The following PRUNE2 variants were observed in gnomAD, a reference collection of about 807,000 sequenced individuals.
PRUNE2 encodes the protein protein prune homolog 2.
PRUNE2 carries 164 observed loss-of-function variants against 252.0 expected under a neutral mutation model. The ratio of observed to expected loss-of-function variants is 0.65; its 90% confidence interval spans 0.57 to 0.74. The LOEUF (loss-of-function observed/expected upper bound fraction) is 0.74. Ranked by LOEUF, PRUNE2 falls within the 30% of genes least tolerant of loss-of-function variation. PRUNE2 has a pLI of 0.00. For missense variants in PRUNE2, 3,495 were observed against 3,711.0 expected (o/e 0.94, Z 1.51); for synonymous variants, 1,292 against 1,350.2 (o/e 0.96, Z 0.94).
intron 9 of PRUNE2, among the ~76,000 whole-genome samples, chr9:76,669,862 T>C (rs1232070552): frequency 6.6e-6 from 1 of 152,162 alleles, no homozygotes; most frequent in Non-Finnish European, 1.5e-5. Flanking sequence ...TCTGCTCACA[T>C]GGAATGGGTT....
intron 6 of PRUNE2, among the ~76,000 whole-genome samples, chr9:76,723,456 G>T (rs2047820515): frequency 6.6e-6 from 1 of 152,194 alleles, no homozygotes; most frequent in African/African-American, 2.4e-5. Flanking sequence ...AATTAGAATT[G>T]CCAGAGGGGA....
At chr9:76,899,894 T>G (rs1253059434) in intron 1 of PRUNE2, among the ~76,000 whole-genome samples, 1 of 152,182 alleles carries the variant, frequency 6.6e-6, no homozygotes, top group Non-Finnish European at 1.5e-5. Flanking sequence ...AGAAGCTGGA[T>G]AGCAGATCAG....
chr9:76,735,419 CTTT>C (rs34406993), intron 6 of PRUNE2, among the ~76,000 whole-genome samples: 4,218 of 133,048 alleles, frequency 0.032, 102 homozygotes, highest in African/African-American at 0.074. Flanking sequence ...TTTCTTTCTT[CTTT>C]TTTTTTTTTT....
At chr9:76,813,701 C>T (rs1323975316) in intron 6 of PRUNE2, among the ~76,000 whole-genome samples, 1 of 152,112 alleles carries the variant, frequency 6.6e-6, no homozygotes, top group Non-Finnish European at 1.5e-5. Context: ...GCAAGAGTTA[C>T]ACAAAAATTA....
In PRUNE2 at chr9:76,652,609, A is replaced by G. The variant is rs768448559; in HGVS notation, c.8431T>C (p.Ser2811Pro). The change falls in exon 11 of 19, where the codon TCT (serine) becomes CCT (proline). Residue 2811 changes from serine to proline, a missense_variant. Physicochemically the swap from Ser to Pro is moderately conservative, Grantham distance 74. Transcript: ENST00000376718. ...ATAGATCCTTCACTTTGGTCCAGAG[A>G]AAGATTGATATTTGGGGCTGTGAGC... ...IKLTAPNINL[S>P]LDQSEGSILS... 6.2e-7 allele frequency: 1 copy of G among 1,613,142 alleles called. No individual in the cohort carries two copies. Among genetic ancestry groups the G allele is most frequent in the Non-Finnish European group, 8.5e-7 (1 of 1,179,174 alleles).
chr9:76,871,751 C>T (rs1273948582), intron 1 of PRUNE2, among the ~76,000 whole-genome samples: 1 of 152,180 alleles, frequency 6.6e-6, no homozygotes, highest in Non-Finnish European at 1.5e-5. Context: ...GCCTCAGCCT[C>T]CTGAGTAGCT....
chr9:76,723,870 C>A (rs1023563105), intron 6 of PRUNE2, among the ~76,000 whole-genome samples: 2 of 147,326 alleles, frequency 1.4e-5, no homozygotes, highest in Middle Eastern at 7.2e-3. Context: ...TGCAGTGGTG[C>A]GATCTCGGCT....
At chr9:76,713,488 TG>T (rs71354672) in intron 7 of PRUNE2, 74 bp downstream of exon 7, 254,444 of 1,260,468 alleles carry the variant, frequency 0.2, 27,396 homozygotes, top group Non-Finnish European at 0.23. Context: ...CAATCTGTTC[TG>T]TCTTGCACTG....
intron 9 of PRUNE2, among the ~76,000 whole-genome samples, chr9:76,686,154 A>G (rs1222741211): frequency 6.6e-6 from 1 of 152,194 alleles, no homozygotes; most frequent in Admixed American, 6.5e-5. Flanking sequence ...CTATGTCTTC[A>G]CTGTATAAAT....
chr9:76,869,818 T>C (rs912024100), intron 1 of PRUNE2, among the ~76,000 whole-genome samples: 2 of 152,230 alleles, frequency 1.3e-5, no homozygotes, highest in Non-Finnish European at 2.9e-5. Context: ...ATAACCTATT[T>C]TTCAGCTGCT....
At chr9:76,745,274 G>A (rs1357029702) in intron 6 of PRUNE2, among the ~76,000 whole-genome samples, 1 of 152,178 alleles carries the variant, frequency 6.6e-6, no homozygotes, top group African/African-American at 2.4e-5. Context: ...AGCTGCCGTT[G>A]TAAAGCTAAT....
intron 4 of PRUNE2, among the ~76,000 whole-genome samples, chr9:76,841,097 A>G (rs1477392777): frequency 6.6e-6 from 1 of 152,064 alleles, no homozygotes; most frequent in African/African-American, 2.4e-5. Flanking sequence ...TGCATTTCCA[A>G]CTGAGGTACC....
In PRUNE2 at chr9:76,705,854, C is replaced by T. The variant is rs1432575131; in HGVS notation, c.6420G>A (p.Glu2140=). 1.2e-6 allele frequency: 2 copies of T among 1,613,574 alleles called. No homozygotes were observed. The highest frequency in any genetic ancestry group is 2.7e-5 in the African/African-American group (2 of 74,938). The part of the protein sequence containing the change: ...ESSELCLTEP[E]IDEEPIYEPG... ...GCTCATAAATGGGTTCTTCATCTAT[C>T]TCTGGCTCAGTGAGACAAAGCTCAC... Residue 2140 remains glutamate (E), a synonymous_variant, in exon 8 of 19, where the codon GAG becomes GAA. Transcript: ENST00000376718.
At chr9:76,630,733 A>G (rs747891817) in intron 15 of PRUNE2, among the ~76,000 whole-genome samples, 6 of 152,134 alleles carry the variant, frequency 3.9e-5, no homozygotes, top group Non-Finnish European at 5.9e-5. Flanking sequence ...TCACTGTGTT[A>G]GCCAGGATGG....
chr9:76,890,214 G>T (rs12001667), intron 1 of PRUNE2, among the ~76,000 whole-genome samples: 137 of 152,320 alleles, frequency 9.0e-4, no homozygotes, highest in African/African-American at 3.1e-3. Flanking sequence ...CTGTCTCAGA[G>T]GATGACGGTG....
chr9:76,676,685 G>C (rs1348218545), intron 9 of PRUNE2, among the ~76,000 whole-genome samples: 1 of 152,072 alleles, frequency 6.6e-6, no homozygotes, highest in Non-Finnish European at 1.5e-5. Flanking sequence ...GCACTTCTAG[G>C]AATTTTGGGC....
At chr9:76,879,404 T>C (rs953834440) in intron 1 of PRUNE2, among the ~76,000 whole-genome samples, 7 of 152,138 alleles carry the variant, frequency 4.6e-5, no homozygotes, top group Non-Finnish European at 1.0e-4. Context: ...TGACAAATGT[T>C]TACTCAACAT....
chr9:76,748,178 A>G (rs1424049247), intron 6 of PRUNE2, among the ~76,000 whole-genome samples: 1 of 152,222 alleles, frequency 6.6e-6, no homozygotes, highest in African/African-American at 2.4e-5. Flanking sequence ...ACAGAGTAAG[A>G]ATGAATACTG....
intron 9 of PRUNE2, among the ~76,000 whole-genome samples, chr9:76,655,742 T>TAAAC (rs148492255): frequency 0.013 from 2,021 of 152,242 alleles, 48 homozygotes; most frequent in African/African-American, 0.044. Context: ...GCTCACTTAA[T>TAAAC]AAACACACAC....
Sources: allele counts gnomAD v4.1 joint callset (sites outside exome capture counted in the v4.1 genomes callset), GRCh38; gene constraint gnomAD v4.1.1; transcripts MANE v1.5; gene names NCBI Gene and HGNC (gene_info 2026-07-23, HGNC 2026-07-21).